UHRF1: variants seen among roughly 807,000 people sequenced by gnomAD.
UHRF1 encodes the protein ubiquitin like with PHD and ring finger domains 1, also known as E3 ubiquitin-protein ligase UHRF1.
Under a neutral mutation model 96.5 loss-of-function variants are expected in UHRF1, and 9 were observed. That is an observed-to-expected ratio of 0.09 (90% confidence interval 0.06 to 0.16). The LOEUF is 0.16. UHRF1 is among the 10% of genes least tolerant of loss of function. The probability of loss-of-function intolerance (pLI) is 1.00; values close to 1 mark genes in which losing one functional copy is unlikely to be tolerated. For synonymous variants in UHRF1, 455 were observed against 469.9 expected (o/e 0.97, Z 0.41); for missense variants, 626 against 1,131.1 (o/e 0.55, Z 6.40).
In UHRF1 at chr19:4,909,645, C is replaced by T. The variant is rs1213809337; in HGVS notation, c.-21C>T. ...GCGCAGGCAGACAAGCTGTTCGCGG[C>T]GACCGGAGAGGTGAGCGGGCGGGCC... On this transcript the variant is annotated 5_prime_UTR_variant, in exon 1 of 17. Transcript: ENST00000650932. 17 of 567,576 alleles carry T rather than the reference C, an allele frequency of 3.0e-5. No individual in the cohort carries two copies. The highest frequency in any genetic ancestry group is 7.7e-4 in the Middle Eastern group (2 of 2,608). The allele number at this position is 567,576 out of a possible 1,614,324, so 35.2% of individuals were successfully genotyped here. A position where few individuals can be genotyped will look rare whatever the true frequency, so the allele number is the denominator to read the frequency against.
intron 2 of UHRF1, among the ~76,000 whole-genome samples, chr19:4,924,919 C>G (rs1337983199): frequency 1.3e-5 from 2 of 151,810 alleles, no homozygotes; most frequent in Admixed American, 6.6e-5. Context: ...CTCTGCCTCC[C>G]AGGTTCAAGC....
chr19:4,928,568 G>T (rs2032944567), intron 2 of UHRF1, among the ~76,000 whole-genome samples: 1 of 152,216 alleles, frequency 6.6e-6, no homozygotes, highest in Non-Finnish European at 1.5e-5. Flanking sequence ...TGGAGCTGAG[G>T]GTCAGAGGAG....
At chr19:4,934,233 C>T (rs1188445589) in intron 5 of UHRF1, among the ~76,000 whole-genome samples, 1 of 151,728 alleles carries the variant, frequency 6.6e-6, no homozygotes, top group East Asian at 1.9e-4. Flanking sequence ...TGGGTTTCAC[C>T]ATGTTGGCCA....
chr19:4,952,259 A>G (rs1037258884), intron 13 of UHRF1, among the ~76,000 whole-genome samples: 1 of 150,420 alleles, frequency 6.6e-6, no homozygotes, highest in Admixed American at 6.6e-5. Flanking sequence ...CGCCTGGCTC[A>G]GTTTTTGTAT....
Position 4,950,783 on chromosome 19 carries a change from C to G in UHRF1, c.1680+10C>G. ...CGATGGCATCTACAAGGTGAGTGCC[C>G]CTTGAGGAGGCCGGGGGCTCTGTCC... On this transcript the variant is annotated intron_variant, in intron 12 of 16. Coordinates refer to ENST00000650932, the MANE Select transcript of UHRF1 (RefSeq NM_001048201.3). 6.2e-7 allele frequency: 1 copy of G among 1,613,508 alleles called. No homozygotes were observed. The highest frequency in any genetic ancestry group is 8.5e-7 in the Non-Finnish European group (1 of 1,179,732).
intron 2 of UHRF1, among the ~76,000 whole-genome samples, chr19:4,926,526 G>A (rs2032876456): frequency 6.6e-6 from 1 of 152,108 alleles, no homozygotes; most frequent in African/African-American, 2.4e-5. Flanking sequence ...TATTCAAACG[G>A]GTTTTTCTGA....
At chr19:4,912,117 G>GT (rs1286354357) in intron 2 of UHRF1, among the ~76,000 whole-genome samples, 2 of 152,164 alleles carry the variant, frequency 1.3e-5, no homozygotes, top group African/African-American at 4.8e-5. Flanking sequence ...TCCCGTAAGA[G>GT]ACGTGATGAC....
chr19:4,928,679 G>GTC (rs1480201296), intron 2 of UHRF1, among the ~76,000 whole-genome samples: 3 of 152,270 alleles, frequency 2.0e-5, no homozygotes, highest in South Asian at 2.1e-4. Context: ...GTGGGACAGG[G>GTC]TCTCTCTGTC....
At chr19:4,940,359 ATTTTTT>A (rs543779456) in intron 5 of UHRF1, among the ~76,000 whole-genome samples, 270 of 67,074 alleles carry the variant, frequency 4.0e-3, no homozygotes, top group African/African-American at 0.015. Flanking sequence ...TGCCTTTATG[ATTTTTT>A]TTTTTTTTTT....
intron 2 of UHRF1, among the ~76,000 whole-genome samples, chr19:4,912,072 G>C (rs1029344833): frequency 6.6e-6 from 1 of 152,122 alleles, no homozygotes; most frequent in African/African-American, 2.4e-5. Flanking sequence ...AATTTCTCTG[G>C]CTTGCATGCC....
At chr19:4,926,757 C>A (rs1418417154) in intron 2 of UHRF1, among the ~76,000 whole-genome samples, 1 of 149,718 alleles carries the variant, frequency 6.7e-6, no homozygotes, top group East Asian at 1.9e-4. Flanking sequence ...AGAGTGAGAT[C>A]CTTTCTAAAG....
At chr19:4,909,293 CGCTGGGCGCGCCCAGCAGAGCGCGCAGG>C (rs1418301918), upstream of UHRF1, 3 of 541,052 alleles carry the variant, frequency 5.5e-6, no homozygotes, top group South Asian at 2.3e-5. Flanking sequence ...CCCCTTTGCA[CGCTGGGCGCGCCCAGCAGAGCGCGCAGG>C]GCTGGGCGGA....
At chr19:4,925,542 A>G (rs1322161810) in intron 2 of UHRF1, among the ~76,000 whole-genome samples, 3 of 151,848 alleles carry the variant, frequency 2.0e-5, no homozygotes, top group Non-Finnish European at 2.9e-5. Context: ...TTTATTTCTT[A>G]AGACAGTCTT....
rs2033692430 is a variant in UHRF1, at chr19:4,950,661, A to C, written c.1568A>C (p.Glu523Ala). Residue 523 changes from glutamate (E) to alanine (A), a missense_variant, in exon 12 of 17, where the codon GAG (glutamate) becomes GCG (alanine). Glu to Ala is a moderately radical substitution (Grantham distance 107). This residue lies in a region of UHRF1 where 61 missense variants were observed against 199.2 expected (regional missense o/e 0.31). Transcript: ENST00000650932. ...CCCATCAATGACCAAGAAGGGGCCG[A>C]GGCCAAGGACTGGCGGTCGGGGAAG... Reference protein sequence around the residue: ...FAPINDQEGAEAKDWRSGKPV... With the variant: ...FAPINDQEGAAAKDWRSGKPV... 1.2e-6 allele frequency: 2 copies of C among 1,612,342 alleles called. No homozygotes were observed. Among genetic ancestry groups the C allele is most frequent in the Non-Finnish European group, 1.7e-6 (2 of 1,179,418 alleles).
rs979896273 is a variant in UHRF1 at position 4,954,923 on chromosome 19, G to T, written c.2130+101G>T. On this transcript the variant is annotated intron_variant, in intron 15 of 16. Coordinates refer to ENST00000650932, the MANE Select transcript of UHRF1 (RefSeq NM_001048201.3). This position sits in a 1 kb window ranked among gnomAD's most constrained non-coding sequence, Gnocchi z 5.9. Reference sequence around the variant, plus strand: ...TCCCCATTTTCAAGTGTACAGCTCAGTCGCACTGAGTACATTCTTGTGGTT... The same window carrying T: ...TCCCCATTTTCAAGTGTACAGCTCATTCGCACTGAGTACATTCTTGTGGTT... 6 of 1,404,728 alleles carry T rather than the reference G, an allele frequency of 4.3e-6. No homozygotes were observed. The highest frequency in any genetic ancestry group is 5.9e-6 in the Non-Finnish European group (6 of 1,017,464). The allele number at this position is 1,404,728 out of a possible 1,614,324, so 87.0% of individuals were successfully genotyped here.
chr19:4,925,576 C>A (rs904225239), intron 2 of UHRF1, among the ~76,000 whole-genome samples: 1 of 152,122 alleles, frequency 6.6e-6, no homozygotes, highest in African/African-American at 2.4e-5. Flanking sequence ...GGCTGGAGTG[C>A]AATGGCACAA....
At chr19:4,932,555 C>T (rs1216421484) in intron 4 of UHRF1, 186 bp from the exon 5 acceptor site, 8 of 631,610 alleles carry the variant, frequency 1.3e-5, no homozygotes, top group African/African-American at 3.7e-5. Flanking sequence ...ACACGGGCAA[C>T]CCATAACAAT....
chr19:4,955,672 G>A (rs892707427), intron 15 of UHRF1, among the ~76,000 whole-genome samples: 7 of 152,208 alleles, frequency 4.6e-5, no homozygotes, highest in African/African-American at 1.7e-4. Flanking sequence ...CTTGCCCCTA[G>A]ACCTTCACTT....
At chr19:4,943,503 T>C (rs17882933) in intron 7 of UHRF1, among the ~76,000 whole-genome samples, 62,912 of 126,692 alleles carry the variant, frequency 0.5, 14,509 homozygotes, top group South Asian at 0.63. Context: ...CTGCCCCCCC[T>C]CCCCACATCG....
Sources: gnomAD v4.1 joint callset for allele counts (sites outside exome capture counted in the v4.1 genomes callset) on GRCh38, gnomAD v4.1.1 for gene constraint, gnomAD v4.1.1 regional missense constraint, Gnocchi (gnomAD v3.1) non-coding constraint, MANE v1.5 for transcripts, NCBI Gene and HGNC (gene_info 2026-07-23, HGNC 2026-07-21) for gene names.